MAP4K3: variants seen among roughly 807,000 people sequenced by gnomAD.
MAP4K3 encodes mitogen-activated protein kinase kinase kinase kinase 3, also known as MAPK/ERK kinase kinase kinase 3.
A neutral mutation model predicts 143.5 loss-of-function variants in MAP4K3; 94 were observed. That is an observed-to-expected ratio of 0.65 (90% CI 0.55 to 0.78). The LOEUF is 0.78. MAP4K3 is among the 30% of genes least tolerant of loss of function. The probability of loss-of-function intolerance (pLI) is 0.00; values close to 1 mark genes in which losing one functional copy is unlikely to be tolerated. For missense variants in MAP4K3, 1,077 were observed against 1,068.1 expected, an observed-to-expected ratio of 1.01 and a Z score of -0.12; for synonymous variants, 416 against 347.2, an observed-to-expected ratio of 1.20 and a Z score of -2.20.
At chr2:39,417,022 A>C (rs1008558526) in intron 1 of MAP4K3, among the ~76,000 whole-genome samples, 18 of 152,218 alleles carry the variant, frequency 1.2e-4, no homozygotes, top group African/African-American at 4.1e-4. Flanking sequence ...TTCACAGAAT[A>C]ATGCTTAGCA....
chr2:39,368,213 T>C (rs1665978812), intron 2 of MAP4K3, among the ~76,000 whole-genome samples: 1 of 152,026 alleles, frequency 6.6e-6, no homozygotes, highest in Non-Finnish European at 1.5e-5. Context: ...TTTCTATATG[T>C]AAAGTAAGTA....
chr2:39,373,951 G>C (rs1666151092), intron 2 of MAP4K3, among the ~76,000 whole-genome samples: 1 of 152,172 alleles, frequency 6.6e-6, no homozygotes, highest in Non-Finnish European at 1.5e-5. Flanking sequence ...AAAATAACTG[G>C]AAGAGTATAA....
chr2:39,431,179 G>A (rs930060748), intron 1 of MAP4K3, among the ~76,000 whole-genome samples: 8 of 152,168 alleles, frequency 5.3e-5, no homozygotes, highest in African/African-American at 1.4e-4. Context: ...TTTTTGTGAA[G>A]CTAACAAAAC....
At chr2:39,258,766 G>T (rs907983004) in intron 29 of MAP4K3, among the ~76,000 whole-genome samples, 179 bp from the exon 30 acceptor site, 1 of 152,208 alleles carries the variant, frequency 6.6e-6, no homozygotes, top group Non-Finnish European at 1.5e-5. Flanking sequence ...GCTAAACAAC[G>T]TAAGTGCTCA....
In MAP4K3 at chr2:39,428,599, C is replaced by T. The variant is rs546731528; in HGVS notation, c.96+8293G>A. The stretch of plus-strand genomic sequence containing the variant: ...GCTGAGGCAGGAGAAGTGCTTGAAC[C>T]CGGAAGGCAGAGGTTGCAGTGAGCT... On this transcript the variant is annotated intron_variant, in intron 1 of 33. Transcript: ENST00000263881. 6.0e-5 allele frequency among the ~76,000 whole-genome samples: 9 copies of T among 151,240 alleles called. No homozygotes were observed. In the South Asian group the frequency reaches 1.7e-3, roughly 28 times the overall value.
intron 1 of MAP4K3, among the ~76,000 whole-genome samples, chr2:39,404,298 T>C (rs774372663): frequency 6.6e-6 from 1 of 151,844 alleles, no homozygotes. Flanking sequence ...TTCTAGGCCT[T>C]GGCTCTTGGA....
intron 24 of MAP4K3, among the ~76,000 whole-genome samples, chr2:39,278,153 G>A (rs1006784902): frequency 2.0e-5 from 3 of 151,764 alleles, no homozygotes; most frequent in South Asian, 2.1e-4. Flanking sequence ...GTGGTGGTGC[G>A]TGCCTCTACT....
At position 39,356,245 on chromosome 2, in the gene MAP4K3, A is replaced by G; in HGVS notation, c.245+4T>C. The G allele has an allele frequency of 1.9e-6, 3 of 1,546,094 alleles. No homozygotes were observed. ...GCTTTTCAAAAGGGAAACAAACAGT[A>G]TACCTGAGATAGCTTCCAAAATAAG... On this transcript the variant is annotated splice_donor_region_variant and intron_variant, in intron 3 of 33. Transcript: ENST00000263881.
intron 21 of MAP4K3, among the ~76,000 whole-genome samples, chr2:39,285,046 C>T (rs1681709966): frequency 6.6e-6 from 1 of 151,860 alleles, no homozygotes; most frequent in Admixed American, 6.6e-5. Context: ...GTGCATGCCA[C>T]CATGTCTGGC....
chr2:39,287,185 G>A (rs1398257856), intron 20 of MAP4K3, among the ~76,000 whole-genome samples: 1 of 151,996 alleles, frequency 6.6e-6, no homozygotes, highest in African/African-American at 2.4e-5. Flanking sequence ...TTAAATTCAG[G>A]TTGTGTATAA....
chr2:39,328,068 C>T (rs887427998), intron 8 of MAP4K3, among the ~76,000 whole-genome samples: 8 of 152,154 alleles, frequency 5.3e-5, no homozygotes, highest in Non-Finnish European at 1.0e-4. Context: ...CAGTGGCTCA[C>T]GCCTGTAATC....
chr2:39,338,750 G>A (rs1665055069), intron 4 of MAP4K3, among the ~76,000 whole-genome samples: 1 of 152,194 alleles, frequency 6.6e-6, no homozygotes, highest in Non-Finnish European at 1.5e-5. Flanking sequence ...TTGTGAAGGA[G>A]ATTAAGACTC....
chr2:39,326,189 G>T lies in MAP4K3; in HGVS notation c.619C>A (p.Leu207Ile). The change falls in exon 9 of 34, where the codon CTT (leucine) becomes ATT (isoleucine). Residue 207 changes from leucine (L) to isoleucine (I), a missense_variant. This residue lies in a region of MAP4K3 where 213 missense variants were observed against 266.8 expected (regional missense o/e 0.80). Transcript: ENST00000263881. ...LWAVGITAIE[L>I]AELQPPMFDL... ...AACATAGGAGGCTGAAGCTCTGCAA[G>T]TTCTATGGCAGTGATTCCCACTGCC... 1.9e-6 allele frequency: 3 copies of T among 1,613,968 alleles called. No homozygotes were observed. The highest frequency in any genetic ancestry group is 2.5e-6 in the Non-Finnish European group (3 of 1,179,926).
intron 12 of MAP4K3, among the ~76,000 whole-genome samples, chr2:39,316,454 G>T (rs975773714): frequency 6.6e-6 from 1 of 152,056 alleles, no homozygotes; most frequent in Non-Finnish European, 1.5e-5. Flanking sequence ...TAGAACAGAG[G>T]TGAACTGGAG....
At chr2:39,290,904 C>T (rs1682015076) in intron 18 of MAP4K3, among the ~76,000 whole-genome samples, 1 of 152,008 alleles carries the variant, frequency 6.6e-6, no homozygotes, top group Admixed American at 6.6e-5. Context: ...TGGTGAAACA[C>T]CATCTCTACT....
In MAP4K3 at chr2:39,280,370, G is replaced by A; in HGVS notation, c.1630-14C>T. On this transcript the variant is annotated splice_polypyrimidine_tract_variant and intron_variant, in intron 22 of 33. Transcript: ENST00000263881. ...ACATGCACCCATCTAGGGAAACAAA[G>A]AATAACCAATATGAAACAGTGACAA... The A allele has an allele frequency of 6.6e-7, 1 of 1,523,452 alleles. No individual in the cohort carries two copies. The highest frequency in any genetic ancestry group is 9.0e-7 in the Non-Finnish European group (1 of 1,105,602). The allele number at this position is 1,523,452 out of a possible 1,614,324, so 94.4% of individuals were successfully genotyped here. A position where few individuals can be genotyped will look rare whatever the true frequency, so the allele number is the denominator to read the frequency against.
chr2:39,350,808 G>A (rs1293127043), intron 3 of MAP4K3, among the ~76,000 whole-genome samples: 1 of 152,102 alleles, frequency 6.6e-6, no homozygotes, highest in Non-Finnish European at 1.5e-5. Flanking sequence ...TCCTAATTAA[G>A]GGATAAAAGA....
At chr2:39,430,979 T>C (rs1036115477) in intron 1 of MAP4K3, among the ~76,000 whole-genome samples, 2 of 152,186 alleles carry the variant, frequency 1.3e-5, no homozygotes, top group Non-Finnish European at 1.5e-5. Flanking sequence ...CATTTATTCA[T>C]TCCATAAATA....
chr2:39,433,011 T>A (rs2148640580), intron 1 of MAP4K3, among the ~76,000 whole-genome samples: 1 of 152,320 alleles, frequency 6.6e-6, no homozygotes, highest in South Asian at 2.1e-4. Flanking sequence ...AATCTAATAG[T>A]CAAGTAAGTT....
Sources: allele counts gnomAD v4.1 joint callset (sites outside exome capture counted in the v4.1 genomes callset), GRCh38; gene constraint gnomAD v4.1.1; regional missense constraint gnomAD v4.1.1; transcripts MANE v1.5; gene names NCBI Gene and HGNC (gene_info 2026-07-23, HGNC 2026-07-21).